Variants in POU2F3 observed in about 807,000 individuals in gnomAD.
POU2F3 encodes the protein POU domain, class 2, transcription factor 3.
Under a neutral mutation model 59.2 loss-of-function variants are expected in POU2F3, and 23 were observed. The ratio of observed to expected loss-of-function variants is 0.39; its 90% CI spans 0.28 to 0.55. The LOEUF (loss-of-function observed/expected upper bound fraction) is 0.55. POU2F3 is among the 20% of genes least tolerant of loss of function. POU2F3 has a pLI of 0.66. For synonymous variants in POU2F3, 190 were observed against 214.6 expected (o/e 0.89, Z 1.00); for missense variants, 473 against 544.5 (o/e 0.87, Z 1.31).
intron 5 of POU2F3, among the ~76,000 whole-genome samples, chr11:120,300,743 G>A (rs959172908): frequency 2.7e-5 from 4 of 150,612 alleles, no homozygotes; most frequent in Admixed American, 6.6e-5. Flanking sequence ...CAGCCTGGGC[G>A]ACAGAGCAAA....
chr11:120,286,134 C>T (rs1940771183), intron 3 of POU2F3, among the ~76,000 whole-genome samples: 1 of 152,176 alleles, frequency 6.6e-6, no homozygotes, highest in Non-Finnish European at 1.5e-5. Flanking sequence ...ATCTGCCTGC[C>T]TCGGCCTACC....
intron 2 of POU2F3, among the ~76,000 whole-genome samples, chr11:120,247,045 G>A (rs1435627376): frequency 6.6e-6 from 1 of 152,194 alleles, no homozygotes; most frequent in Non-Finnish European, 1.5e-5. Context: ...CTAGTCAGCA[G>A]GCCAAGGTGG....
chr11:120,306,539 C>A (rs962976874), intron 8 of POU2F3, among the ~76,000 whole-genome samples: 17 of 152,108 alleles, frequency 1.1e-4, no homozygotes, highest in African/African-American at 3.9e-4. Context: ...TAGCATCCAC[C>A]CCCAGTTGAA....
At chr11:120,245,245 G>T (rs1253199372) in intron 1 of POU2F3, among the ~76,000 whole-genome samples, 1 of 152,084 alleles carries the variant, frequency 6.6e-6, no homozygotes, top group Non-Finnish European at 1.5e-5. Context: ...ACACACGTTA[G>T]TCCTCACACA....
intron 3 of POU2F3, among the ~76,000 whole-genome samples, chr11:120,274,174 G>C (rs938656776): frequency 1.6e-4 from 23 of 146,850 alleles, no homozygotes; most frequent in African/African-American, 5.2e-4. Context: ...CACAAACATA[G>C]AGCCTGGCTG....
chr11:120,236,887 G>A (rs1187305989), upstream of POU2F3, among the ~76,000 whole-genome samples: 2 of 152,208 alleles, frequency 1.3e-5, no homozygotes, highest in African/African-American at 4.8e-5. Context: ...GCAGGGAAGA[G>A]TAGAAACGTC....
In POU2F3 at chr11:120,260,882, A is replaced by G. The variant is rs10892556; in HGVS notation, c.98-8328A>G. 0.055 allele frequency among the ~76,000 whole-genome samples: 8,362 copies of G among 152,172 alleles called. 987 individuals carry two copies. In the East Asian group the frequency reaches 0.55, roughly 10 times the overall value. ...CAGGAGTTCCAGGTTAGCTTGGACA[A>G]CATAGTGAGACCCTGTCTTTACAAT... On this transcript the variant is annotated intron_variant, in intron 2 of 12. Transcript: ENST00000543440.
At chr11:120,243,519 G>A (rs1026804830) in intron 1 of POU2F3, among the ~76,000 whole-genome samples, 1 of 152,208 alleles carries the variant, frequency 6.6e-6, no homozygotes, top group Non-Finnish European at 1.5e-5. Flanking sequence ...TCACAGAGCA[G>A]CTGAGCCTCC....
chr11:120,297,498 A>G (rs1941223061), intron 3 of POU2F3, among the ~76,000 whole-genome samples: 1 of 152,250 alleles, frequency 6.6e-6, no homozygotes, highest in Admixed American at 6.5e-5. Context: ...AGAGGCAGAC[A>G]CAGAGGATGG....
chr11:120,299,872 G>A (rs1330448995), intron 5 of POU2F3, 146 bp downstream of exon 5: 1 of 644,268 alleles, frequency 1.6e-6, no homozygotes, highest in Admixed American at 3.1e-5. Flanking sequence ...TCCACCCCAG[G>A]GTCTGAGGAA....
chr11:120,271,283 G>T (rs1276456128), intron 3 of POU2F3, among the ~76,000 whole-genome samples: 1 of 152,234 alleles, frequency 6.6e-6, no homozygotes, highest in Non-Finnish European at 1.5e-5. Context: ...CCAGGGGAGG[G>T]AAACTGTAGA....
chr11:120,262,444 C>T (rs2715882), intron 2 of POU2F3, among the ~76,000 whole-genome samples: 51,892 of 152,072 alleles, frequency 0.34, 10,126 homozygotes, highest in South Asian at 0.6. Context: ...TTGCCATTCT[C>T]ATTACTGGAA....
In POU2F3 at chr11:120,309,449, A is replaced by T. The variant is rs774361026; in HGVS notation, c.931A>T (p.Ile311Phe). 6.2e-7 allele frequency: 1 copy of T among 1,613,728 alleles called. No individual in the cohort carries two copies. Among genetic ancestry groups the T allele is most frequent in the Admixed American group, 1.7e-5 (1 of 59,994 alleles). Residue 311 changes from isoleucine to phenylalanine, a missense_variant, in exon 10 of 13, where the codon ATC becomes TTC. Coordinates refer to ENST00000543440, the MANE Select transcript of POU2F3 (RefSeq NM_014352.4). ...QDNPKPSSEE[I>F]SMIAEQLSME... The stretch of plus-strand genomic sequence containing the variant: ...GAACCCAAAACCCAGCTCGGAGGAG[A>T]TCTCCATGATTGCAGAGCAGTTGTC...
chr11:120,308,326 G>A (rs540610111), intron 9 of POU2F3, among the ~76,000 whole-genome samples: 47 of 152,276 alleles, frequency 3.1e-4, no homozygotes, highest in African/African-American at 1.0e-3. Flanking sequence ...TGGGTACCAC[G>A]CGTCTCCAAA....
chr11:120,297,679 T>C (rs1591431105), intron 3 of POU2F3, among the ~76,000 whole-genome samples: 1 of 152,220 alleles, frequency 6.6e-6, no homozygotes, highest in African/African-American at 2.4e-5. Context: ...GTTTTAAGAA[T>C]GCCATTTAGG....
chr11:120,274,368 C>G (rs969841666), intron 3 of POU2F3, among the ~76,000 whole-genome samples: 1 of 152,194 alleles, frequency 6.6e-6, no homozygotes, highest in African/African-American at 2.4e-5. Flanking sequence ...TGAACATATA[C>G]ACTGTATATG....
rs780968780 is a variant in POU2F3, at chr11:120,318,435, C to T, written c.*43C>T. ...TACTCCAGCTGGCCCTGTATTCCCC[C>T]TGGAAGGAAGGGAATCATGCCTTCT... On this transcript the variant is annotated 3_prime_UTR_variant, in exon 13 of 13. Transcript: ENST00000543440. The T allele has an allele frequency of 2.0e-6, 3 of 1,531,534 alleles. No homozygotes were observed. Among genetic ancestry groups the T allele is most frequent in the Non-Finnish European group, 2.7e-6 (3 of 1,105,040 alleles). The allele number at this position is 1,531,534 out of a possible 1,614,324, so 94.9% of individuals were successfully genotyped here. A position where few individuals can be genotyped will look rare whatever the true frequency, so the allele number is the denominator to read the frequency against.
intron 1 of POU2F3, among the ~76,000 whole-genome samples, chr11:120,240,649 G>A (rs960140766): frequency 9.9e-5 from 15 of 152,138 alleles, no homozygotes; most frequent in African/African-American, 4.8e-5. Context: ...AGTTGTATGG[G>A]ACGTGGGTGT....
intron 10 of POU2F3, among the ~76,000 whole-genome samples, chr11:120,311,634 A>G (rs969046438): frequency 6.6e-6 from 1 of 152,172 alleles, no homozygotes; most frequent in African/African-American, 2.4e-5. Context: ...TTATGTCATC[A>G]TGATGTACAG....
Sources: gnomAD v4.1 joint callset for allele counts (sites outside exome capture counted in the v4.1 genomes callset) on GRCh38, gnomAD v4.1.1 for gene constraint, MANE v1.5 for transcripts, NCBI Gene and HGNC (gene_info 2026-07-23, HGNC 2026-07-21) for gene names.